Variants in ABCA13 observed in about 807,000 individuals in gnomAD.
The protein encoded by ABCA13 is ATP-binding cassette sub-family A member 13.
ABCA13 carries 476 observed loss-of-function variants against 478.7 expected under a neutral mutation model. That is an observed-to-expected ratio of 0.99 (90% CI 0.92 to 1.07). The LOEUF is 1.07. Among genes scored for constraint, ABCA13 ranks in the 50% least tolerant of loss-of-function variants. ABCA13 has a pLI of 0.00. For missense variants in ABCA13, 6,060 were observed against 5,910.6 expected (o/e 1.03, Z -0.83); for synonymous variants, 2,252 against 2,158.9 (o/e 1.04, Z -1.20).
At chr7:48,367,312 ATAT>A (rs752094334) in intron 31 of ABCA13, among the ~76,000 whole-genome samples, 1 of 152,198 alleles carries the variant, frequency 6.6e-6, no homozygotes, top group Non-Finnish European at 1.5e-5. Context: ...TTTCAAGTGT[ATAT>A]TAGAAATGGA....
intron 23 of ABCA13, among the ~76,000 whole-genome samples, 156 bp from the exon 24 acceptor site, chr7:48,309,788 AATC>A (rs1801479589): frequency 6.6e-6 from 1 of 152,192 alleles, no homozygotes; most frequent in Admixed American, 6.5e-5. Context: ...AAATGTTGAG[AATC>A]GAACCCCAGT....
At chr7:48,587,966 T>C (rs1409338877) in intron 57 of ABCA13, among the ~76,000 whole-genome samples, 1 of 152,228 alleles carries the variant, frequency 6.6e-6, no homozygotes, top group Admixed American at 6.5e-5. Context: ...ATAAATTGGA[T>C]TCTAATCAGT....
chr7:48,612,904 T>C (rs927280906), intron 58 of ABCA13, among the ~76,000 whole-genome samples: 1 of 151,930 alleles, frequency 6.6e-6, no homozygotes. Context: ...GTTTTTGAAG[T>C]GACGATTGGA....
chr7:48,207,862 C>G (rs1411125827), intron 3 of ABCA13, among the ~76,000 whole-genome samples: 1 of 152,076 alleles, frequency 6.6e-6, no homozygotes, highest in Non-Finnish European at 1.5e-5. Flanking sequence ...AGGCCTTACT[C>G]AAGAAATCTT....
At chr7:48,576,250 T>C (rs1050148669) in intron 55 of ABCA13, among the ~76,000 whole-genome samples, 3 of 152,004 alleles carry the variant, frequency 2.0e-5, no homozygotes, top group Admixed American at 6.6e-5. Context: ...GGACTGTGAA[T>C]CAGGAGACCC....
chr7:48,558,631 T>C (rs1360229963), intron 55 of ABCA13, among the ~76,000 whole-genome samples: 3 of 148,002 alleles, frequency 2.0e-5, no homozygotes, highest in African/African-American at 7.6e-5. Context: ...GAATTACTTC[T>C]TGATTCTTTT....
chr7:48,478,248 A>G (rs1350484256), intron 45 of ABCA13, among the ~76,000 whole-genome samples: 1 of 147,474 alleles, frequency 6.8e-6, no homozygotes, highest in Admixed American at 6.8e-5. Flanking sequence ...ATAATATTTC[A>G]TTTATATATA....
chr7:48,619,329 A>G (rs1330616392), intron 59 of ABCA13, among the ~76,000 whole-genome samples: 1 of 151,338 alleles, frequency 6.6e-6, no homozygotes. Flanking sequence ...GGCCTCTGAG[A>G]AAAAAAAATG....
At chr7:48,286,272 G>T (rs74994982) in intron 19 of ABCA13, among the ~76,000 whole-genome samples, 5,563 of 152,196 alleles carry the variant, frequency 0.037, 203 homozygotes, top group Admixed American at 0.1. Context: ...TACATCCAGT[G>T]TTACAGTATC....
At chr7:48,346,989 C>G (rs1296561849) in intron 29 of ABCA13, among the ~76,000 whole-genome samples, 2 of 152,038 alleles carry the variant, frequency 1.3e-5, no homozygotes, top group Non-Finnish European at 2.9e-5. Flanking sequence ...CTATAATTGC[C>G]CATAAGAATA....
chr7:48,182,886 G>A (rs1197159816), intron 1 of ABCA13, among the ~76,000 whole-genome samples: 2 of 152,084 alleles, frequency 1.3e-5, no homozygotes, highest in Non-Finnish European at 2.9e-5. Context: ...TGCTTTGTTG[G>A]AACTCCTTGT....
At chr7:48,644,375 A>G (rs1027328248) in intron 60 of ABCA13, among the ~76,000 whole-genome samples, 1 of 152,196 alleles carries the variant, frequency 6.6e-6, no homozygotes, top group African/African-American at 2.4e-5. Context: ...GGGCTTCCCC[A>G]TGCTGTTGCA....
At chr7:48,285,100 A>T (rs1797548135) in intron 19 of ABCA13, among the ~76,000 whole-genome samples, 1 of 152,174 alleles carries the variant, frequency 6.6e-6, no homozygotes. Flanking sequence ...GTGGGCAGCT[A>T]CTTTAATCTT....
chr7:48,419,431 C>G (rs1000270654), intron 41 of ABCA13, among the ~76,000 whole-genome samples: 2 of 152,200 alleles, frequency 1.3e-5, no homozygotes, highest in African/African-American at 2.4e-5. Flanking sequence ...AAAATTCCTA[C>G]AGTAAAATTC....
At chr7:48,228,473 G>T (rs911580006) in intron 6 of ABCA13, among the ~76,000 whole-genome samples, 4 of 152,188 alleles carry the variant, frequency 2.6e-5, no homozygotes, top group Admixed American at 1.3e-4. Flanking sequence ...GCAGCCATTG[G>T]CAGGAGTGTG....
At chr7:48,300,366 T>A (rs940116087) in intron 23 of ABCA13, among the ~76,000 whole-genome samples, 3 of 152,264 alleles carry the variant, frequency 2.0e-5, no homozygotes, top group African/African-American at 7.2e-5. Flanking sequence ...CCCAAAAACT[T>A]GGGCTCAAAG....
At chr7:48,581,402 G>A (rs974243934) in intron 56 of ABCA13, among the ~76,000 whole-genome samples, 4 of 152,016 alleles carry the variant, frequency 2.6e-5, no homozygotes, top group South Asian at 4.2e-4. Context: ...CCCATCTCCC[G>A]TCTTAATAAA....
chr7:48,515,341 C>G (rs535683054), intron 51 of ABCA13, among the ~76,000 whole-genome samples: 2 of 152,258 alleles, frequency 1.3e-5, no homozygotes, highest in South Asian at 2.1e-4. Flanking sequence ...AAGTGTACTT[C>G]CTTTATTGGG....
intron 46 of ABCA13, 52 bp from the exon 47 acceptor site, chr7:48,483,024 A>G: frequency 6.8e-7 from 1 of 1,473,336 alleles, no homozygotes; most frequent in Non-Finnish European, 9.3e-7. Flanking sequence ...CTCTGATTAG[A>G]AGTCCTGGTG....
Sources: allele counts gnomAD v4.1 joint callset (sites outside exome capture counted in the v4.1 genomes callset), GRCh38; gene constraint gnomAD v4.1.1; transcripts MANE v1.5; gene names NCBI Gene and HGNC (gene_info 2026-07-23, HGNC 2026-07-21).